Variants in NTM observed in about 807,000 individuals in gnomAD.
NTM encodes neurotrimin, also known as IgLON family member 2.
A neutral mutation model predicts 42.1 loss-of-function variants in NTM; 13 were observed. The ratio of observed to expected loss-of-function variants is 0.31; its 90% CI spans 0.20 to 0.49. The LOEUF (loss-of-function observed/expected upper bound fraction) is 0.49. NTM is among the 20% of genes least tolerant of loss of function. The pLI is 0.99. For missense variants in NTM, 373 were observed against 452.8 expected, an observed-to-expected ratio of 0.82 and a Z score of 1.60; for synonymous variants, 187 against 179.2, an observed-to-expected ratio of 1.04 and a Z score of -0.35.
rs190987465 is a variant in NTM at position 131,672,379 on chromosome 11, C to T, written c.83-239185C>T. Among the ~76,000 whole-genome samples, 10 of 152,338 alleles carry T rather than the reference C, an allele frequency of 6.6e-5. 1 individual carries two copies. In the East Asian group the frequency reaches 9.7e-4, roughly 15 times the overall value. On this transcript the variant is annotated intron_variant, in intron 1 of 8. Coordinates refer to ENST00000683400, the MANE Select transcript of NTM (RefSeq NM_001352005.2). ...TCCTTTGAAGGCACCGCACCCCCAC[C>T]GAGGACACTGGGCCTGCTTCACGAA...
chr11:132,071,103 G>A (rs1211801341), intron 2 of NTM, among the ~76,000 whole-genome samples: 3 of 142,896 alleles, frequency 2.1e-5, no homozygotes, highest in African/African-American at 5.1e-5. Flanking sequence ...AGGTTAGCAC[G>A]TCACACTGAG....
chr11:132,204,500 T>C (rs557631881), intron 3 of NTM, among the ~76,000 whole-genome samples: 1 of 152,146 alleles, frequency 6.6e-6, no homozygotes. Context: ...GGGGGTTCTC[T>C]TGTAGAAAGG....
intron 1 of NTM, among the ~76,000 whole-genome samples, chr11:131,585,337 G>A (rs1001049081): frequency 2.0e-5 from 3 of 152,196 alleles, no homozygotes; most frequent in Non-Finnish European, 2.9e-5. Flanking sequence ...GCCTGGCTGG[G>A]GGAACCCACG....
chr11:132,181,096 T>G (rs1163445495), intron 3 of NTM, among the ~76,000 whole-genome samples: 2 of 152,184 alleles, frequency 1.3e-5, no homozygotes, highest in Admixed American at 6.5e-5. Context: ...TCAGTACTCT[T>G]TCTGTCATAA....
intron 1 of NTM, among the ~76,000 whole-genome samples, chr11:131,461,704 C>CA (rs36045429): frequency 6.6e-6 from 1 of 151,936 alleles, no homozygotes; most frequent in Non-Finnish European, 1.5e-5. Context: ...ATTTTTACCA[C>CA]AAAAAAAGAT....
At chr11:132,047,526 AT>A (rs1335967472) in intron 2 of NTM, among the ~76,000 whole-genome samples, 2 of 152,184 alleles carry the variant, frequency 1.3e-5, no homozygotes, top group East Asian at 3.9e-4. Flanking sequence ...CCTCTTATTT[AT>A]TTTGAAGCAA....
At chr11:131,979,137 CAT>C (rs2064858417) in intron 2 of NTM, among the ~76,000 whole-genome samples, 1 of 152,276 alleles carries the variant, frequency 6.6e-6, no homozygotes, top group South Asian at 2.1e-4. Flanking sequence ...AATATTTCCA[CAT>C]GTCTGTGGGC....
intron 1 of NTM, among the ~76,000 whole-genome samples, chr11:131,455,050 A>C (rs1192631030): frequency 6.6e-6 from 1 of 152,176 alleles, no homozygotes; most frequent in Non-Finnish European, 1.5e-5. Flanking sequence ...TAGACTATAC[A>C]TTTGCTGATT....
intron 2 of NTM, among the ~76,000 whole-genome samples, chr11:132,033,207 G>A (rs981254262): frequency 2.2e-4 from 33 of 152,276 alleles, no homozygotes; most frequent in African/African-American, 6.7e-4. Context: ...CAACTCCTCC[G>A]AAAGAGAAAG....
At chr11:131,597,764 G>A (rs1460824680) in intron 1 of NTM, among the ~76,000 whole-genome samples, 2 of 152,220 alleles carry the variant, frequency 1.3e-5, no homozygotes, top group African/African-American at 2.4e-5. Context: ...TCGGTCTGTG[G>A]ATCAAGGGAG....
At chr11:131,624,995 T>C (rs1285869539) in intron 1 of NTM, among the ~76,000 whole-genome samples, 1 of 152,230 alleles carries the variant, frequency 6.6e-6, no homozygotes, top group African/African-American at 2.4e-5. Flanking sequence ...AAAATCACCA[T>C]AACCTGAAAA....
intron 1 of NTM, among the ~76,000 whole-genome samples, chr11:131,486,670 G>T (rs1399383668): frequency 6.6e-6 from 1 of 152,192 alleles, no homozygotes; most frequent in African/African-American, 2.4e-5. Flanking sequence ...CTAAGACACT[G>T]GATTATCTCA....
At chr11:131,989,176 G>T (rs1308651753) in intron 2 of NTM, among the ~76,000 whole-genome samples, 1 of 152,094 alleles carries the variant, frequency 6.6e-6, no homozygotes, top group Non-Finnish European at 1.5e-5. Flanking sequence ...ATAGTTCTTT[G>T]TTATTATGTC....
intron 1 of NTM, among the ~76,000 whole-genome samples, chr11:131,872,729 C>T (rs2047913487): frequency 6.6e-6 from 1 of 152,158 alleles, no homozygotes; most frequent in Non-Finnish European, 1.5e-5. Context: ...AGATTGAAAG[C>T]TGGTACCATT....
Position 131,370,743 on chromosome 11 carries a change from G to A in NTM, c.-64G>A. The A allele has an allele frequency of 1.5e-6, 2 of 1,378,352 alleles. No individual in the cohort carries two copies. The highest frequency in any genetic ancestry group is 2.4e-5 in the South Asian group (2 of 82,352). The allele number at this position is 1,378,352 out of a possible 1,614,324, so 85.4% of individuals were successfully genotyped here. On this transcript the variant is annotated 5_prime_UTR_variant, in exon 1 of 9. Coordinates refer to ENST00000683400, the MANE Select transcript of NTM (RefSeq NM_001352005.2). ...AGCTTGAGAGCAACACAATCTATCA[G>A]GAAAGAAAGAAAGAAAAAAACCGAA... is the stretch of plus-strand genomic sequence containing the variant.
At chr11:131,723,972 A>T (rs2078668516) in intron 1 of NTM, among the ~76,000 whole-genome samples, 1 of 152,246 alleles carries the variant, frequency 6.6e-6, no homozygotes, top group Non-Finnish European at 1.5e-5. Context: ...TAAAGAATTC[A>T]TGGTCATGTG....
chr11:131,426,844 G>T (rs544975978), intron 1 of NTM, among the ~76,000 whole-genome samples: 19 of 152,230 alleles, frequency 1.2e-4, no homozygotes, highest in African/African-American at 4.1e-4. Flanking sequence ...TGAGTTCACT[G>T]GGTCAACATT....
chr11:131,439,535 C>T (rs1473319771), intron 1 of NTM, among the ~76,000 whole-genome samples: 5 of 152,242 alleles, frequency 3.3e-5, no homozygotes, highest in Non-Finnish European at 7.3e-5. Context: ...CTCCCCCTGC[C>T]AGGCTGCTGC....
At chr11:132,004,744 GCTT>G (rs1387012922) in intron 2 of NTM, among the ~76,000 whole-genome samples, 2 of 151,882 alleles carry the variant, frequency 1.3e-5, no homozygotes, top group East Asian at 3.9e-4. Flanking sequence ...ATCATTCAGA[GCTT>G]CTGATGTTCA....
Sources: gnomAD v4.1 joint callset for allele counts (sites outside exome capture counted in the v4.1 genomes callset) on GRCh38, gnomAD v4.1.1 for gene constraint, MANE v1.5 for transcripts, NCBI Gene and HGNC (gene_info 2026-07-23, HGNC 2026-07-21) for gene names.